The following PI4KA variants were observed in gnomAD, a reference collection of about 807,000 sequenced individuals.
PI4KA encodes phosphatidylinositol 4-kinase alpha, also known as PI4-kinase alpha.
PI4KA carries 122 observed loss-of-function variants against 271.4 expected under a neutral mutation model. That is an observed-to-expected ratio of 0.45 (90% CI 0.39 to 0.52). PI4KA has a LOEUF of 0.52. Ranked by LOEUF, PI4KA falls within the 20% of genes least tolerant of loss-of-function variation. PI4KA has a pLI of 0.00. For synonymous variants in PI4KA, 1,041 were observed against 1,078.8 expected, an observed-to-expected ratio of 0.96 and a Z score of 0.69; for missense variants, 1,969 against 2,769.1, an observed-to-expected ratio of 0.71 and a Z score of 6.48.
chr22:20,755,460 G>A (rs539230014), intron 23 of PI4KA, among the ~76,000 whole-genome samples: 1 of 152,286 alleles, frequency 6.6e-6, no homozygotes, highest in African/African-American at 2.4e-5. Context: ...CAAGATCTGA[G>A]CACCGGATAT....
chr22:20,744,076 A>G (rs1929779421), intron 30 of PI4KA, among the ~76,000 whole-genome samples: 1 of 152,144 alleles, frequency 6.6e-6, no homozygotes, highest in Non-Finnish European at 1.5e-5. Context: ...AAAAACAAAC[A>G]AACAAAAAGA....
rs1221873232 is a variant in PI4KA at position 20,714,479 on chromosome 22, C to T, written c.5440G>A (p.Val1814Ile). 1.2e-6 allele frequency: 2 copies of T among 1,613,068 alleles called. No individual in the cohort carries two copies. The highest frequency in any genetic ancestry group is 1.7e-6 in the Non-Finnish European group (2 of 1,179,288). ...LAKFKVKRCG[V>I]SELEKEGLRC... ...TGACCTTCTTTTTCAAGTTCACTAA[C>T]TCCACATCGCTTCACCTTGAACTTG... The change falls in exon 47 of 55, where the codon GTT becomes ATT. Residue 1814 changes from valine (V) to isoleucine (I), a missense_variant. By Grantham distance (29) the Val-to-Ile change is conservative. This residue lies in a region of PI4KA where 388 missense variants were observed against 521.5 expected (regional missense o/e 0.74). Coordinates refer to ENST00000255882, the MANE Select transcript of PI4KA (RefSeq NM_058004.4).
At chr22:20,727,094 T>C (rs1927443509) in intron 41 of PI4KA, 136 bp downstream of exon 41, 5 of 683,774 alleles carry the variant, frequency 7.3e-6, no homozygotes, top group Non-Finnish European at 1.2e-5. Context: ...CTACAACTAC[T>C]TGAGCAAAAA....
intron 19 of PI4KA, among the ~76,000 whole-genome samples, chr22:20,787,881 T>C (rs1383774313): frequency 6.6e-6 from 1 of 152,168 alleles, no homozygotes; most frequent in African/African-American, 2.4e-5. Flanking sequence ...GTGTGCTGAA[T>C]CCTGGGGAGG....
Position 20,842,121 on chromosome 22 carries a change from G to A in PI4KA, c.157-3390C>T, listed in dbSNP as rs1354848973. ...CAGGTGCCTGTAGTCCCAGCTACTC[G>A]GGATGCTGAGGCAGGAGAATTGCTT... On this transcript the variant is annotated intron_variant, in intron 1 of 54. Coordinates refer to ENST00000255882, the MANE Select transcript of PI4KA (RefSeq NM_058004.4). 5.3e-5 allele frequency among the ~76,000 whole-genome samples: 8 copies of A among 152,234 alleles called. No individual in the cohort carries two copies. In the South Asian group the frequency reaches 6.2e-4, roughly 12 times the overall value.
intron 19 of PI4KA, among the ~76,000 whole-genome samples, chr22:20,766,752 C>T (rs1365652144): frequency 1.3e-5 from 2 of 152,186 alleles, no homozygotes; most frequent in Non-Finnish European, 2.9e-5. Flanking sequence ...GAGCTCCCAT[C>T]AGTGATGTTG....
intron 19 of PI4KA, among the ~76,000 whole-genome samples, chr22:20,768,124 C>T (rs165818): frequency 0.46 from 69,401 of 151,944 alleles, 16,461 homozygotes; most frequent in African/African-American, 0.57. Flanking sequence ...AATTCCCAGA[C>T]GGTGCGGCGG....
chr22:20,772,695 G>A, intron 19 of PI4KA, among the ~76,000 whole-genome samples: 1 of 152,168 alleles, frequency 6.6e-6, no homozygotes, highest in Non-Finnish European at 1.5e-5. Flanking sequence ...TCCCAAACAT[G>A]CTCTTGAGGA....
At chr22:20,799,567 C>T in intron 15 of PI4KA, 104 bp downstream of exon 15, 1 of 840,586 alleles carries the variant, frequency 1.2e-6, no homozygotes, top group East Asian at 2.7e-5. Flanking sequence ...TGCTCTGAGA[C>T]AAGGAGATAA....
intron 10 of PI4KA, among the ~76,000 whole-genome samples, chr22:20,806,169 A>C (rs1935641104): frequency 6.6e-6 from 1 of 152,182 alleles, no homozygotes; most frequent in African/African-American, 2.4e-5. Context: ...TGGTTACTAA[A>C]TTTTGGTATA....
chr22:20,852,101 G>A (rs1927056174), intron 1 of PI4KA, among the ~76,000 whole-genome samples: 1 of 152,138 alleles, frequency 6.6e-6, no homozygotes, highest in Admixed American at 6.5e-5. Context: ...TCCAGCCTGG[G>A]TGACAGAGCA....
chr22:20,744,044 ACT>A (rs776955125), intron 30 of PI4KA, among the ~76,000 whole-genome samples: 104 of 152,260 alleles, frequency 6.8e-4, no homozygotes, highest in Non-Finnish European at 1.0e-3. Flanking sequence ...ACAGAACGAG[ACT>A]CTGTCTCAAA....
chr22:20,736,440 C>T (rs575505462), intron 32 of PI4KA: 10 of 152,070 alleles, frequency 6.6e-5, no homozygotes, highest in African/African-American at 2.2e-4. Flanking sequence ...CTGATTCCCC[C>T]CTGGCTTGCG....
chr22:20,715,701 C>G (rs909080424), intron 45 of PI4KA, among the ~76,000 whole-genome samples: 1 of 152,134 alleles, frequency 6.6e-6, no homozygotes, highest in Non-Finnish European at 1.5e-5. Flanking sequence ...TCTGGAACTC[C>G]TTACCTGAGG....
At chr22:20,782,723 G>GT (rs1933893991) in intron 19 of PI4KA, among the ~76,000 whole-genome samples, 1 of 152,122 alleles carries the variant, frequency 6.6e-6, no homozygotes, top group Non-Finnish European at 1.5e-5. Flanking sequence ...AGCATTACTG[G>GT]TATCTAGAAG....
At chr22:20,825,414 G>A (rs1340879512) in intron 3 of PI4KA, among the ~76,000 whole-genome samples, 1 of 152,116 alleles carries the variant, frequency 6.6e-6, no homozygotes, top group Non-Finnish European at 1.5e-5. Flanking sequence ...AGCCAACATG[G>A]CAAAATACTA....
At chr22:20,796,390 G>C in intron 17 of PI4KA, 76 bp from the exon 18 acceptor site, 1 of 1,448,244 alleles carries the variant, frequency 6.9e-7, no homozygotes, top group South Asian at 1.2e-5. Flanking sequence ...GCAGGGGTGA[G>C]GCGAGCTGAG....
chr22:20,854,455 A>G (rs1055656433), intron 1 of PI4KA, among the ~76,000 whole-genome samples: 3 of 152,046 alleles, frequency 2.0e-5, no homozygotes, highest in African/African-American at 7.2e-5. Context: ...AAGTCCACAG[A>G]GCAGTAATAG....
chr22:20,711,600 C>T, intron 50 of PI4KA, 139 bp from the exon 51 acceptor site: 1 of 930,376 alleles, frequency 1.1e-6, no homozygotes, highest in Non-Finnish European at 1.6e-6. Flanking sequence ...CCCGAATCAG[C>T]AAGCCAGTCT....
Sources: allele counts gnomAD v4.1 joint callset (sites outside exome capture counted in the v4.1 genomes callset), GRCh38; gene constraint gnomAD v4.1.1; regional missense constraint gnomAD v4.1.1; transcripts MANE v1.5; gene names NCBI Gene and HGNC (gene_info 2026-07-23, HGNC 2026-07-21).